The following RALGDS variants were observed in gnomAD, a reference collection of about 807,000 sequenced individuals.
RALGDS encodes ral guanine nucleotide dissociation stimulator.
RALGDS carries 44 observed loss-of-function variants against 99.8 expected under a neutral mutation model. That is an observed-to-expected ratio of 0.44 (90% confidence interval 0.35 to 0.57). RALGDS has a LOEUF of 0.57. Among genes scored for constraint, RALGDS ranks in the 20% least tolerant of loss-of-function variants. RALGDS has a pLI of 0.01. For missense variants in RALGDS, 1,022 were observed against 1,203.1 expected, an observed-to-expected ratio of 0.85 and a Z score of 2.23; for synonymous variants, 529 against 505.0, an observed-to-expected ratio of 1.05 and a Z score of -0.64.
intron 1 of RALGDS, among the ~76,000 whole-genome samples, chr9:133,114,436 G>A (rs1195293204): frequency 6.6e-6 from 1 of 152,150 alleles, no homozygotes; most frequent in Non-Finnish European, 1.5e-5. Flanking sequence ...GCAGAGTAAG[G>A]CCTCTATCCC....
At chr9:133,118,112 C>A (rs576796301) in intron 1 of RALGDS, among the ~76,000 whole-genome samples, 1 of 152,180 alleles carries the variant, frequency 6.6e-6, no homozygotes, top group Non-Finnish European at 1.5e-5. Context: ...GGGACCCTCC[C>A]GAGTAGAGCA....
chr9:133,123,550 G>C (rs564484946), upstream of RALGDS, among the ~76,000 whole-genome samples: 2 of 152,310 alleles, frequency 1.3e-5, no homozygotes, highest in East Asian at 3.9e-4. Context: ...GGGGGAGGGC[G>C]TTACTTAGCC....
intron 9 of RALGDS, 51 bp from the exon 10 acceptor site, chr9:133,104,382 G>A (rs758922592): frequency 7.9e-6 from 12 of 1,523,940 alleles, no homozygotes; most frequent in Middle Eastern, 1.7e-4. Flanking sequence ...TCAGCCCTCA[G>A]GCACCCTGAC....
chr9:133,111,981 G>T, intron 2 of RALGDS, 61 bp downstream of exon 2: 2 of 1,334,474 alleles, frequency 1.5e-6, no homozygotes, highest in Admixed American at 2.0e-5. Flanking sequence ...GCCCTCAAGT[G>T]AAAAAGTCCT....
chr9:133,130,994 C>T, exon 1 of RALGDS: 1 of 1,535,582 alleles, frequency 6.5e-7, no homozygotes, highest in Non-Finnish European at 8.7e-7. Context: ...TCCCTGGCTG[C>T]AAGTGGAGGG....
upstream of RALGDS, among the ~76,000 whole-genome samples, chr9:133,124,043 CACAGAGAG>C (rs1321561439): frequency 1.7e-5 from 2 of 116,142 alleles, 1 homozygote; most frequent in Non-Finnish European, 3.7e-5. Context: ...CACAGAGACA[CACAGAGAG>C]ACAGAGACAC....
chr9:133,117,433 T>C (rs190911624), intron 1 of RALGDS, among the ~76,000 whole-genome samples: 55 of 152,312 alleles, frequency 3.6e-4, no homozygotes, highest in Non-Finnish European at 4.0e-4. Flanking sequence ...CAGGGGAGGC[T>C]GCCAAAGCAT....
intron 4 of RALGDS, among the ~76,000 whole-genome samples, chr9:133,109,344 C>T (rs539106430): frequency 6.6e-6 from 1 of 152,338 alleles, no homozygotes; most frequent in South Asian, 2.1e-4. Flanking sequence ...GCCCCTAGAT[C>T]AGGGCCCACT....
At chr9:133,108,955 G>A in intron 4 of RALGDS, 89 bp from the exon 5 acceptor site, 1 of 1,315,678 alleles carries the variant, frequency 7.6e-7, no homozygotes, top group South Asian at 1.3e-5. Flanking sequence ...CCATCTGAAG[G>A]CCACCTGCCC....
At chr9:133,134,039 C>A (rs1163005792), upstream of RALGDS, among the ~76,000 whole-genome samples, 1 of 152,222 alleles carries the variant, frequency 6.6e-6, no homozygotes, top group Non-Finnish European at 1.5e-5. Context: ...ACTCAGGGAG[C>A]TGCTGGCCAG....
intron 8 of RALGDS, 116 bp from the exon 9 acceptor site, chr9:133,106,132 G>C: frequency 2.5e-6 from 2 of 789,690 alleles, no homozygotes; most frequent in South Asian, 2.9e-5. Flanking sequence ...GCAGCACACA[G>C]GGTACCCCAG....
At chr9:133,105,623 G>A (rs567278516) in intron 9 of RALGDS, among the ~76,000 whole-genome samples, 66 of 152,176 alleles carry the variant, frequency 4.3e-4, no homozygotes, top group Admixed American at 1.8e-3. Flanking sequence ...CAGCAGGAGG[G>A]ACCGGCGAGG....
Position 133,100,218 on chromosome 9 carries a change from G to A in RALGDS, c.2569+50C>T, listed in dbSNP as rs1275686101. The A allele has an allele frequency of 5.3e-6, 8 of 1,512,776 alleles. No homozygotes were observed. In the African/African-American group the frequency reaches 5.5e-5, roughly 10 times the overall value. The allele number at this position is 1,512,776 out of a possible 1,614,324, so 93.7% of individuals were successfully genotyped here. On this transcript the variant is annotated intron_variant, in intron 17 of 17. Coordinates refer to ENST00000372050, the MANE Select transcript of RALGDS (RefSeq NM_006266.4). ...AAGGCTTCCAACCTGGGGCTGGGGA[G>A]TGGTGTGGACCTGCCCCCTCTGCCA...
At chr9:133,116,550 CCT>C (rs974450675) in intron 1 of RALGDS, among the ~76,000 whole-genome samples, 4 of 152,242 alleles carry the variant, frequency 2.6e-5, no homozygotes, top group Admixed American at 2.0e-4. Context: ...ACGCCCAGCC[CCT>C]GACAGTCAGG....
intron 9 of RALGDS, chr9:133,104,539 C>T (rs563651893): frequency 2.4e-5 from 14 of 586,424 alleles, no homozygotes; most frequent in Middle Eastern, 9.1e-4. Context: ...CTGCATGGTG[C>T]GGTGGCTCAC....
rs1344145545 is a variant in RALGDS, at chr9:133,105,842, CGCCCCA to C, written c.1602+84_1602+89del. 8.8e-5 allele frequency: 7 copies of C among 79,474 alleles called. 1 individual carries two copies. Among genetic ancestry groups the C allele is most frequent in the South Asian group, 2.4e-4 (3 of 12,524 alleles). The allele number at this position is 79,474 out of a possible 1,614,324, so 4.9% of individuals were successfully genotyped here. A position where few individuals can be genotyped will look rare whatever the true frequency, so the allele number is the denominator to read the frequency against. On this transcript the variant is annotated intron_variant, in intron 9 of 17. Transcript: ENST00000372050. ...CCGCCCCAGCCCCCGCCCCAGCCCC[CGCCCCA>C]GCCCCCGCCCCAGCCCCAGCCCCCG... is the stretch of plus-strand genomic sequence containing the variant.
At chr9:133,148,921 C>T (rs1335537204) in intron 1 of RALGDS, 13 of 1,597,120 alleles carry the variant, frequency 8.1e-6, no homozygotes, top group Non-Finnish European at 8.5e-6. Context: ...ATACGGTCCT[C>T]CCTCCACCCG....
chr9:133,109,551 C>G, intron 4 of RALGDS, 75 bp downstream of exon 4: 1 of 1,373,346 alleles, frequency 7.3e-7, no homozygotes, highest in Non-Finnish European at 1.0e-6. Flanking sequence ...GCCCCGGCTC[C>G]GGCCCCAGCC....
At chr9:133,146,694 A>G (rs1832629076) in intron 1 of RALGDS, among the ~76,000 whole-genome samples, 1 of 152,198 alleles carries the variant, frequency 6.6e-6, no homozygotes, top group Admixed American at 6.5e-5. Context: ...AAGATTTACA[A>G]AAAACTATGA....
Sources: allele counts gnomAD v4.1 joint callset (sites outside exome capture counted in the v4.1 genomes callset), GRCh38; gene constraint gnomAD v4.1.1; transcripts MANE v1.5; gene names NCBI Gene and HGNC (gene_info 2026-07-23, HGNC 2026-07-21).